Variants in CPO observed in about 807,000 individuals in gnomAD.
CPO encodes the protein metallocarboxypeptidase C.
Under a neutral mutation model 41.2 loss-of-function variants are expected in CPO, and 43 were observed. The ratio of observed to expected loss-of-function variants is 1.04; its 90% CI spans 0.82 to 1.35. CPO has a LOEUF of 1.35. Ranked by LOEUF, CPO falls within the 40% of genes most tolerant of loss-of-function variation. The probability of loss-of-function intolerance (pLI) is 0.00; values close to 1 mark genes in which losing one functional copy is unlikely to be tolerated. For missense variants in CPO, 408 were observed against 451.7 expected (o/e 0.90, Z 0.88); for synonymous variants, 178 against 162.7 (o/e 1.09, Z -0.72).
intron 7 of CPO, among the ~76,000 whole-genome samples, chr2:206,963,798 G>A (rs1407482607): frequency 1.5e-5 from 2 of 137,694 alleles, no homozygotes; most frequent in Non-Finnish European, 3.1e-5. Context: ...GAACAATGCT[G>A]CTATGAATAT....
intron 3 of CPO, among the ~76,000 whole-genome samples, chr2:206,957,535 G>C (rs964002816): frequency 6.6e-6 from 1 of 152,138 alleles, no homozygotes; most frequent in South Asian, 2.1e-4. Flanking sequence ...GAGGAAGGGG[G>C]CCTTCATCAC....
chr2:206,955,396 T>C, intron 2 of CPO, 67 bp from the exon 3 acceptor site: 1 of 890,336 alleles, frequency 1.1e-6, no homozygotes, highest in Admixed American at 1.7e-5. Context: ...AAAGAAGCAG[T>C]TATCTTAATC....
At chr2:206,952,505 T>C (rs896806365) in intron 2 of CPO, among the ~76,000 whole-genome samples, 1 of 152,220 alleles carries the variant, frequency 6.6e-6, no homozygotes, top group Non-Finnish European at 1.5e-5. Context: ...CTGATGATTG[T>C]CTGAATATGT....
At chr2:206,962,677 G>T in intron 7 of CPO, 63 bp downstream of exon 7, 1 of 1,377,868 alleles carries the variant, frequency 7.3e-7, no homozygotes, top group South Asian at 1.2e-5. Flanking sequence ...TCCTTTTTCT[G>T]ATTTCCATTT....
intron 3 of CPO, 85 bp downstream of exon 3, chr2:206,955,649 T>C: frequency 3.6e-6 from 3 of 839,498 alleles, no homozygotes; most frequent in African/African-American, 1.7e-5. Flanking sequence ...TAATCAGAAG[T>C]GTGGAAAAGA....
intron 1 of CPO, among the ~76,000 whole-genome samples, chr2:206,944,104 T>C (rs1693096638): frequency 6.6e-6 from 1 of 152,078 alleles, no homozygotes; most frequent in African/African-American, 2.4e-5. Context: ...TACTTTTGCA[T>C]AGAGTAGTAA....
chr2:206,943,665 A>G (rs1290039706), intron 1 of CPO, among the ~76,000 whole-genome samples: 1 of 137,458 alleles, frequency 7.3e-6, no homozygotes, highest in Admixed American at 7.5e-5. Flanking sequence ...TCAAATGAAG[A>G]TAGATAGATG....
chr2:206,958,707 T>C (rs1287417860), intron 4 of CPO, among the ~76,000 whole-genome samples: 1 of 149,630 alleles, frequency 6.7e-6, no homozygotes, highest in East Asian at 2.0e-4. Flanking sequence ...CTCTTTCTAA[T>C]AGTATTTGGC....
chr2:206,947,855 T>C (rs1322006773), intron 1 of CPO, among the ~76,000 whole-genome samples: 3 of 152,212 alleles, frequency 2.0e-5, no homozygotes, highest in African/African-American at 7.2e-5. Flanking sequence ...TGATAATACT[T>C]GTTAATAAAA....
At position 206,941,302 on chromosome 2, in the gene CPO, A is replaced by T. The variant is rs1302910125; in HGVS notation, c.68+1635A>T. Among the ~76,000 whole-genome samples the T allele has an allele frequency of 2.0e-5, 3 of 152,106 alleles. No homozygotes were observed. In the East Asian group the frequency reaches 5.8e-4, roughly 29 times the overall value. ...GGGATATTATTCATGCAATAGAAAA[A>T]TAAGTATAAAACTTTTTAATGGCAT... On this transcript the variant is annotated intron_variant, in intron 1 of 8. Transcript: ENST00000272852.
intron 7 of CPO, among the ~76,000 whole-genome samples, chr2:206,964,842 G>A (rs1195071649): frequency 1.3e-5 from 2 of 152,158 alleles, no homozygotes; most frequent in African/African-American, 2.4e-5. Flanking sequence ...ATGGAAAGGG[G>A]TCTTCCGCCA....
At position 206,968,411 on chromosome 2, in the gene CPO, A is replaced by G. The variant is rs1212257900; in HGVS notation, c.862+64A>G. 12 of 914,966 alleles carry G rather than the reference A, an allele frequency of 1.3e-5. No homozygotes were observed. In the East Asian group the frequency reaches 2.9e-4, roughly 22 times the overall value. 56.7% of individuals were successfully genotyped at this position (914,966 alleles called of 1,614,324 possible). A position where few individuals can be genotyped will look rare whatever the true frequency, so the allele number is the denominator to read the frequency against. ...CACAAAAGAAGTCAGTGGACTTTGG[A>G]TGGTGAGATAGGCGGGAGAGGAACA... On this transcript the variant is annotated intron_variant, in intron 8 of 8. Transcript: ENST00000272852.
chr2:206,943,274 G>T (rs1693061905), intron 1 of CPO, among the ~76,000 whole-genome samples: 1 of 152,090 alleles, frequency 6.6e-6, no homozygotes, highest in Admixed American at 6.6e-5. Flanking sequence ...TACTGTTGGG[G>T]AAGCATTGTC....
chr2:206,950,393 G>A (rs971446747), intron 2 of CPO, among the ~76,000 whole-genome samples: 4 of 152,072 alleles, frequency 2.6e-5, no homozygotes, highest in African/African-American at 4.8e-5. Flanking sequence ...ACCATCTCAC[G>A]TCTAGAATGG....
Position 206,949,664 on chromosome 2 carries a change from CA to C in CPO, c.117del (p.Trp40GlyfsTer21), listed in dbSNP as rs769232650. On this transcript the variant is annotated frameshift_variant, in exon 2 of 9. Transcript: ENST00000272852. LOFTEE classifies it high-confidence loss of function. ...RQEIVDKSVS[P>X]WSLETYSYNI... The stretch of plus-strand genomic sequence containing the variant: ...GAGATTGTGGACAAGTCAGTGAGTC[CA>C]TGGAGCCTGGAGACGTATTCCTATA... The C allele has an allele frequency of 1.2e-5, 20 of 1,613,510 alleles. No homozygotes were observed. Among genetic ancestry groups the C allele is most frequent in the Non-Finnish European group, 1.7e-5 (20 of 1,179,538 alleles).
chr2:206,963,558 G>C (rs1337328524), intron 7 of CPO, among the ~76,000 whole-genome samples: 1 of 152,090 alleles, frequency 6.6e-6, no homozygotes, highest in Non-Finnish European at 1.5e-5. Flanking sequence ...CTATGAATCT[G>C]ACCACTCTAC....
intron 6 of CPO, among the ~76,000 whole-genome samples, chr2:206,961,675 T>C (rs918968048): frequency 6.6e-6 from 1 of 152,130 alleles, no homozygotes; most frequent in Non-Finnish European, 1.5e-5. Flanking sequence ...ATAGCTCTAA[T>C]GAGACTCAAG....
Position 206,962,415 on chromosome 2 carries a change from T to C in CPO, c.578T>C (p.Ile193Thr). Residue 193 changes from isoleucine to threonine, a missense_variant, in exon 7 of 9, where the codon ATT becomes ACT. Transcript: ENST00000272852. ...TGTGGTTTCTTCCATATTCTAGGTA[T>C]TGGTGCCTCTAGAAACTGCCAAGAT... The part of the protein sequence containing the change: ...NRNFNASWCS[I>T]GASRNCQDQT... 1 of 1,613,754 alleles carries C rather than the reference T, an allele frequency of 6.2e-7. No homozygotes were observed. The highest frequency in any genetic ancestry group is 8.5e-7 in the Non-Finnish European group (1 of 1,179,654).
intron 4 of CPO, 111 bp from the exon 5 acceptor site, chr2:206,959,520 G>A (rs1388379930): frequency 3.2e-6 from 2 of 624,322 alleles, no homozygotes; most frequent in African/African-American, 1.8e-5. Context: ...GGGGACTGGA[G>A]GGTGGAGGTG....
Sources: allele counts gnomAD v4.1 joint callset (sites outside exome capture counted in the v4.1 genomes callset), GRCh38; gene constraint gnomAD v4.1.1; transcripts MANE v1.5; gene names NCBI Gene and HGNC (gene_info 2026-07-23, HGNC 2026-07-21).